Variants in KCNT2 observed in about 807,000 individuals in gnomAD.
The protein encoded by KCNT2 is potassium channel subfamily T member 2.
Under a neutral mutation model 153.8 loss-of-function variants are expected in KCNT2, and 67 were observed. That is an observed-to-expected ratio of 0.44 (90% confidence interval 0.36 to 0.53). The LOEUF (loss-of-function observed/expected upper bound fraction) is 0.53, where lower values mean the gene tolerates loss of function less well. Ranked by LOEUF, KCNT2 falls within the 20% of genes least tolerant of loss-of-function variation. The pLI, the probability that KCNT2 is intolerant of heterozygous loss-of-function variation, is 0.00. For missense variants in KCNT2, 975 were observed against 1,354.8 expected, an observed-to-expected ratio of 0.72 and a Z score of 4.40; for synonymous variants, 500 against 458.8, an observed-to-expected ratio of 1.09 and a Z score of -1.15.
chr1:196,378,862 G>A (rs1236295292), intron 13 of KCNT2, among the ~76,000 whole-genome samples: 1 of 148,806 alleles, frequency 6.7e-6, no homozygotes, highest in Non-Finnish European at 1.5e-5. Flanking sequence ...TTACTTGGGT[G>A]CCTAAAGACT....
chr1:196,276,691 A>G (rs1012537112), intron 25 of KCNT2, among the ~76,000 whole-genome samples: 3 of 152,010 alleles, frequency 2.0e-5, no homozygotes, highest in Non-Finnish European at 4.4e-5. Flanking sequence ...TTTGGAGAAT[A>G]TATATATTTG....
chr1:196,382,103 A>ATTTATTTATTTATTTATTTG (rs998871482), intron 13 of KCNT2, among the ~76,000 whole-genome samples: 1 of 150,780 alleles, frequency 6.6e-6, no homozygotes, highest in Non-Finnish European at 1.5e-5. Context: ...TTATTTATTT[A>ATTTATTTATTTATTTATTTG]TTTATTTATT....
chr1:196,491,093 C>A (rs1679823182), intron 2 of KCNT2, among the ~76,000 whole-genome samples: 1 of 151,964 alleles, frequency 6.6e-6, no homozygotes, highest in Non-Finnish European at 1.5e-5. Context: ...AAATGGGCCT[C>A]CTCAAATAAC....
chr1:196,494,775 C>T (rs1243548114), intron 1 of KCNT2, among the ~76,000 whole-genome samples: 3 of 152,062 alleles, frequency 2.0e-5, no homozygotes, highest in African/African-American at 4.8e-5. Context: ...TAGGAGTCAC[C>T]GTTGTCTTTA....
chr1:196,540,044 C>A (rs144481092), intron 1 of KCNT2, among the ~76,000 whole-genome samples: 2 of 151,952 alleles, frequency 1.3e-5, no homozygotes, highest in Non-Finnish European at 2.9e-5. Context: ...AATTAAAATG[C>A]GTTGCCTTAG....
intron 26 of KCNT2, among the ~76,000 whole-genome samples, chr1:196,244,815 C>T (rs974013454): frequency 2.0e-5 from 3 of 152,050 alleles, no homozygotes; most frequent in Admixed American, 1.3e-4. Context: ...GCTGGTTTTG[C>T]CACCTTCTGT....
chr1:196,303,014 T>A (rs551924295), intron 22 of KCNT2, among the ~76,000 whole-genome samples: 7 of 143,586 alleles, frequency 4.9e-5, no homozygotes, highest in African/African-American at 1.3e-4. Context: ...ATGCAAATCT[T>A]AAAAAAAAAA....
intron 1 of KCNT2, among the ~76,000 whole-genome samples, chr1:196,522,974 C>G (rs1045748395): frequency 2.6e-5 from 4 of 152,176 alleles, no homozygotes; most frequent in Non-Finnish European, 4.4e-5. Context: ...GTGTGGCAAC[C>G]CACTTGGGTC....
chr1:196,241,401 T>C (rs1197962331), intron 26 of KCNT2, among the ~76,000 whole-genome samples: 1 of 152,098 alleles, frequency 6.6e-6, no homozygotes, highest in Non-Finnish European at 1.5e-5. Flanking sequence ...AATTTGCTCA[T>C]GTATTCCAGT....
At chr1:196,360,921 A>C (rs187421535) in intron 14 of KCNT2, among the ~76,000 whole-genome samples, 2 of 152,152 alleles carry the variant, frequency 1.3e-5, no homozygotes, top group East Asian at 3.9e-4. Context: ...AAGGTGGGAG[A>C]GTTTTAGAAG....
intron 27 of KCNT2, among the ~76,000 whole-genome samples, chr1:196,235,717 C>T (rs1443991847): frequency 5.9e-5 from 9 of 151,344 alleles, no homozygotes; most frequent in East Asian, 3.9e-4. Flanking sequence ...TATTCTTCCA[C>T]GTCTTCACTT....
intron 1 of KCNT2, among the ~76,000 whole-genome samples, chr1:196,501,409 A>G (rs1204856538): frequency 1.3e-5 from 2 of 152,192 alleles, no homozygotes; most frequent in Non-Finnish European, 2.9e-5. Context: ...TGGGTATAAA[A>G]AAAGAAAAAT....
At chr1:196,417,782 C>A (rs1672871603) in intron 12 of KCNT2, among the ~76,000 whole-genome samples, 1 of 152,022 alleles carries the variant, frequency 6.6e-6, no homozygotes, top group Admixed American at 6.6e-5. Context: ...AATGGTACAG[C>A]CTAGTATGTA....
intron 1 of KCNT2, among the ~76,000 whole-genome samples, chr1:196,578,710 T>C (rs570579406): frequency 3.3e-5 from 5 of 152,200 alleles, no homozygotes; most frequent in African/African-American, 1.2e-4. Flanking sequence ...ACTAAAAATA[T>C]TGGCATTCGG....
intron 1 of KCNT2, among the ~76,000 whole-genome samples, chr1:196,549,799 C>T (rs1210146108): frequency 6.6e-6 from 1 of 151,842 alleles, no homozygotes; most frequent in African/African-American, 2.4e-5. Context: ...TGAATAGAGT[C>T]TGAGTATAAT....
intron 1 of KCNT2, among the ~76,000 whole-genome samples, chr1:196,524,387 C>A (rs199550764): frequency 6.6e-6 from 1 of 152,042 alleles, no homozygotes; most frequent in Non-Finnish European, 1.5e-5. Flanking sequence ...AGTGGTTTTC[C>A]AGAGAGGAAT....
intron 25 of KCNT2, among the ~76,000 whole-genome samples, chr1:196,259,938 T>C (rs1443948713): frequency 2.6e-5 from 4 of 151,952 alleles, no homozygotes; most frequent in Admixed American, 6.6e-5. Flanking sequence ...TATTCTCACC[T>C]ACTTGATAAT....
At chr1:196,237,168 AC>A (rs1380392408) in intron 26 of KCNT2, among the ~76,000 whole-genome samples, 1 of 151,716 alleles carries the variant, frequency 6.6e-6, no homozygotes, top group African/African-American at 2.4e-5. Context: ...TTTGTAGCTG[AC>A]CCTGATAAAC....
intron 1 of KCNT2, among the ~76,000 whole-genome samples, chr1:196,555,426 T>C (rs1658511012): frequency 6.6e-6 from 1 of 151,040 alleles, no homozygotes; most frequent in African/African-American, 2.4e-5. Flanking sequence ...ATTCAATACA[T>C]AGGAATTAAT....
Sources: allele counts gnomAD v4.1 joint callset (sites outside exome capture counted in the v4.1 genomes callset), GRCh38; gene constraint gnomAD v4.1.1; transcripts MANE v1.5; gene names NCBI Gene and HGNC (gene_info 2026-07-23, HGNC 2026-07-21).